The following PPM1L variants were observed in gnomAD, a reference collection of about 807,000 sequenced individuals.
PPM1L encodes protein phosphatase, Mg2+/Mn2+ dependent 1L.
Under a neutral mutation model 31.4 loss-of-function variants are expected in PPM1L, and 13 were observed. The observed-to-expected ratio is 0.41, with a 90% CI of 0.27 to 0.66. The LOEUF (loss-of-function observed/expected upper bound fraction) is 0.66, where lower values mean the gene tolerates loss of function less well. Ranked by LOEUF, PPM1L falls within the 30% of genes least tolerant of loss-of-function variation. The pLI is 0.29. For missense variants in PPM1L, 326 were observed against 453.7 expected (o/e 0.72, Z 2.56); for synonymous variants, 184 against 175.4 (o/e 1.05, Z -0.39).
At chr3:160,832,364 AGGTGG>A (rs1560119568) in intron 1 of PPM1L, among the ~76,000 whole-genome samples, 2,872 of 152,192 alleles carry the variant, frequency 0.019, 95 homozygotes, top group African/African-American at 0.066. Flanking sequence ...AGGGGATTCT[AGGTGG>A]AGGTGATAGC....
intron 1 of PPM1L, among the ~76,000 whole-genome samples, chr3:160,942,008 G>C (rs934870854): frequency 6.6e-6 from 1 of 152,164 alleles, no homozygotes; most frequent in Non-Finnish European, 1.5e-5. Context: ...GTAGACAAGA[G>C]GACAACCACG....
At chr3:161,017,308 C>A (rs1313089841) in intron 2 of PPM1L, among the ~76,000 whole-genome samples, 1 of 152,080 alleles carries the variant, frequency 6.6e-6, no homozygotes, top group African/African-American at 2.4e-5. Flanking sequence ...ATTATCAGAA[C>A]TCCAAGGAAT....
chr3:160,907,752 G>A (rs1421757145), intron 1 of PPM1L, among the ~76,000 whole-genome samples: 1 of 152,238 alleles, frequency 6.6e-6, no homozygotes, highest in Non-Finnish European at 1.5e-5. Context: ...GTAAGGGCAA[G>A]AGGAGGGAAT....
At chr3:160,831,086 A>G (rs758830306) in intron 1 of PPM1L, among the ~76,000 whole-genome samples, 2 of 152,216 alleles carry the variant, frequency 1.3e-5, no homozygotes, top group Non-Finnish European at 2.9e-5. Context: ...TACATGTTTC[A>G]TAGTTGCTAG....
chr3:160,822,643 C>T (rs1713233822), intron 1 of PPM1L, among the ~76,000 whole-genome samples: 1 of 151,782 alleles, frequency 6.6e-6, no homozygotes, highest in African/African-American at 2.4e-5. Flanking sequence ...TATACATGAG[C>T]GATATAGATT....
chr3:160,827,064 T>G (rs1713373443), intron 1 of PPM1L, among the ~76,000 whole-genome samples: 1 of 152,216 alleles, frequency 6.6e-6, no homozygotes, highest in Non-Finnish European at 1.5e-5. Flanking sequence ...ACTGGCCTAC[T>G]TAACACACTT....
chr3:160,978,536 A>G (rs1447404978), intron 2 of PPM1L, among the ~76,000 whole-genome samples: 2 of 152,210 alleles, frequency 1.3e-5, no homozygotes, highest in Non-Finnish European at 1.5e-5. Context: ...ACAACCATCT[A>G]TAAAAGCTGA....
At chr3:160,953,591 T>A (rs534648627) in intron 1 of PPM1L, among the ~76,000 whole-genome samples, 1 of 152,340 alleles carries the variant, frequency 6.6e-6, no homozygotes, top group African/African-American at 2.4e-5. Context: ...TTACTTGTGA[T>A]CTTTTTCTAA....
At chr3:160,965,552 A>C (rs1716114824) in intron 2 of PPM1L, among the ~76,000 whole-genome samples, 1 of 152,122 alleles carries the variant, frequency 6.6e-6, no homozygotes, top group South Asian at 2.1e-4. Flanking sequence ...AGCATATATA[A>C]GTTAGGCTAA....
chr3:160,890,040 T>C (rs116124498), intron 1 of PPM1L, among the ~76,000 whole-genome samples: 4,064 of 152,252 alleles, frequency 0.027, 83 homozygotes, highest in Middle Eastern at 0.034. Context: ...GCCAATATAA[T>C]ATTTAATGGG....
intron 1 of PPM1L, among the ~76,000 whole-genome samples, chr3:160,914,604 A>G (rs1714092385): frequency 6.6e-6 from 1 of 151,876 alleles, no homozygotes; most frequent in Non-Finnish European, 1.5e-5. Flanking sequence ...CTGTGTCCCT[A>G]CAAAGGACAT....
intron 2 of PPM1L, among the ~76,000 whole-genome samples, chr3:160,969,690 T>TA (rs907914006): frequency 6.6e-6 from 1 of 152,204 alleles, no homozygotes; most frequent in Non-Finnish European, 1.5e-5. Context: ...GCTCAAAAGA[T>TA]ACCCTCTCCA....
At chr3:160,957,559 G>A (rs978703106) in intron 1 of PPM1L, among the ~76,000 whole-genome samples, 1 of 149,850 alleles carries the variant, frequency 6.7e-6, no homozygotes, top group South Asian at 2.1e-4. Flanking sequence ...AACCTTGCTA[G>A]CATCTGTTAT....
intron 2 of PPM1L, among the ~76,000 whole-genome samples, chr3:161,025,351 G>A (rs568314623): frequency 5.9e-5 from 9 of 152,022 alleles, no homozygotes; most frequent in Admixed American, 2.6e-4. Context: ...ATCACTTGAG[G>A]CCAGGAGTTT....
intron 1 of PPM1L, among the ~76,000 whole-genome samples, chr3:160,833,409 G>A (rs973031520): frequency 3.3e-5 from 5 of 152,248 alleles, no homozygotes; most frequent in South Asian, 4.2e-4. Context: ...GTGTAAAAGC[G>A]TTCCTATTTC....
At chr3:160,767,237 CTT>C (rs534238505) in intron 1 of PPM1L, among the ~76,000 whole-genome samples, 53 of 142,934 alleles carry the variant, frequency 3.7e-4, no homozygotes, top group Non-Finnish European at 2.8e-4. Flanking sequence ...GTCTTAGTTT[CTT>C]TTTTTTTTTT....
intron 1 of PPM1L, among the ~76,000 whole-genome samples, chr3:160,797,313 T>G (rs1308785630): frequency 6.6e-6 from 1 of 152,202 alleles, no homozygotes; most frequent in African/African-American, 2.4e-5. Flanking sequence ...TAGAAGACAA[T>G]GAACTTAGTA....
intron 1 of PPM1L, among the ~76,000 whole-genome samples, chr3:160,885,133 C>T (rs1398595140): frequency 6.6e-6 from 1 of 152,178 alleles, no homozygotes; most frequent in Non-Finnish European, 1.5e-5. Flanking sequence ...CACTCCCTAT[C>T]TCCACCCCTT....
chr3:160,829,966 C>T (rs911944587), intron 1 of PPM1L, among the ~76,000 whole-genome samples: 5 of 152,126 alleles, frequency 3.3e-5, no homozygotes, highest in East Asian at 3.9e-4. Context: ...CTGGCAGCTG[C>T]GTCTCAGCCA....
Sources: gnomAD v4.1 joint callset for allele counts (sites outside exome capture counted in the v4.1 genomes callset) on GRCh38, gnomAD v4.1.1 for gene constraint, MANE v1.5 for transcripts, NCBI Gene and HGNC (gene_info 2026-07-23, HGNC 2026-07-21) for gene names.